NRCAM: variants seen among roughly 807,000 people sequenced by gnomAD.
The protein encoded by NRCAM is NgCAM-related cell adhesion molecule.
NRCAM carries 83 observed loss-of-function variants against 156.5 expected under a neutral mutation model. The observed-to-expected ratio is 0.53, with a 90% CI of 0.44 to 0.64. The LOEUF (loss-of-function observed/expected upper bound fraction) is 0.64, where lower values mean the gene tolerates loss of function less well. Among genes scored for constraint, NRCAM ranks in the 30% least tolerant of loss-of-function variants. NRCAM has a pLI of 0.00. For missense variants in NRCAM, 1,417 were observed against 1,597.3 expected (o/e 0.89, Z 1.92); for synonymous variants, 538 against 563.9 (o/e 0.95, Z 0.65).
chr7:108,223,788 T>C lies in NRCAM; in HGVS notation c.827A>G (p.Asn276Ser), dbSNP rs780317087. The C allele has an allele frequency of 1.9e-6, 3 of 1,612,092 alleles. No individual in the cohort carries two copies. Among genetic ancestry groups the C allele is most frequent in the Non-Finnish European group, 2.5e-6 (3 of 1,178,350 alleles). ...TCTTAATTCCTCTTTGTTACTTGCA[T>C]TGCCTTCTGGAGTTAAAAATGTTGG... is the stretch of plus-strand genomic sequence containing the variant. ...RPPTFLTPEG[N>S]ASNKEELRGN... is the part of the protein sequence containing the mutation. The change falls in exon 11 of 33, where the codon AAT becomes AGT. Residue 276 changes from asparagine to serine, a missense_variant. By Grantham distance (46) the Asn-to-Ser change is conservative. Transcript: ENST00000379028.
chr7:108,441,610 G>A (rs1838614004), intron 1 of NRCAM, among the ~76,000 whole-genome samples: 2 of 152,196 alleles, frequency 1.3e-5, no homozygotes, highest in Admixed American at 6.5e-5. Flanking sequence ...TTACGACTGA[G>A]GGATAAGGGT....
At chr7:108,358,401 T>C (rs961362432) in intron 2 of NRCAM, among the ~76,000 whole-genome samples, 2 of 151,906 alleles carry the variant, frequency 1.3e-5, no homozygotes, top group African/African-American at 2.4e-5. Context: ...CAAGACCTTG[T>C]CTCAAAACAA....
At chr7:108,198,995 C>T (rs2076569433) in intron 13 of NRCAM, among the ~76,000 whole-genome samples, 1 of 152,186 alleles carries the variant, frequency 6.6e-6, no homozygotes, top group Non-Finnish European at 1.5e-5. Context: ...GAACGATACA[C>T]TTTAGGCTTT....
intron 3 of NRCAM, among the ~76,000 whole-genome samples, chr7:108,278,158 A>C (rs1014831774): frequency 3.9e-5 from 6 of 152,096 alleles, no homozygotes; most frequent in African/African-American, 1.2e-4. Flanking sequence ...GTCAGTCCCT[A>C]CTGGGAGGTG....
intron 2 of NRCAM, among the ~76,000 whole-genome samples, chr7:108,370,561 A>G (rs1369435097): frequency 2.0e-5 from 3 of 152,174 alleles, no homozygotes; most frequent in Admixed American, 6.6e-5. Flanking sequence ...CAATCATGCT[A>G]TTTCTGTAAA....
intron 25 of NRCAM, 41 bp from the exon 26 acceptor site, chr7:108,178,153 T>C (rs750797439): frequency 1.9e-6 from 3 of 1,592,968 alleles, no homozygotes; most frequent in Non-Finnish European, 2.6e-6. Flanking sequence ...GATTTCTGAA[T>C]GTTTCAACAT....
chr7:108,420,251 A>G lies in NRCAM; in HGVS notation c.-331-20658T>C, dbSNP rs543666862. Among the ~76,000 whole-genome samples the G allele has an allele frequency of 7.9e-5, 12 of 152,234 alleles. No homozygotes were observed. In the South Asian group the frequency reaches 2.5e-3, roughly 32 times the overall value. On this transcript the variant is annotated intron_variant, in intron 1 of 32. Coordinates refer to ENST00000379028, the MANE Select transcript of NRCAM (RefSeq NM_001037132.4). ...AAATATCTCTTTAGTAGATATTACT[A>G]TAGAGATTCTGCTTTTCAGACACAC... is the stretch of plus-strand genomic sequence containing the variant.
chr7:108,446,780 T>C (rs770619056), intron 1 of NRCAM, among the ~76,000 whole-genome samples: 1 of 151,234 alleles, frequency 6.6e-6, no homozygotes, highest in Non-Finnish European at 1.5e-5. Context: ...CAGGCTGTAG[T>C]GCAAGTGCAT....
At chr7:108,277,726 A>T (rs993153352) in intron 3 of NRCAM, among the ~76,000 whole-genome samples, 1 of 152,034 alleles carries the variant, frequency 6.6e-6, no homozygotes, top group Admixed American at 6.6e-5. Flanking sequence ...AACCTTCTGA[A>T]GCCTACTTCT....
chr7:108,170,518 G>A (rs115696348), intron 28 of NRCAM, among the ~76,000 whole-genome samples: 1,754 of 152,262 alleles, frequency 0.012, 28 homozygotes, highest in African/African-American at 0.039. Flanking sequence ...GAATGCAACC[G>A]TTTGTCTCTC....
intron 2 of NRCAM, among the ~76,000 whole-genome samples, chr7:108,329,172 C>A (rs559864316): frequency 6.6e-6 from 1 of 152,228 alleles, no homozygotes; most frequent in South Asian, 2.1e-4. Context: ...CATGAGTATT[C>A]ACCCATCCAA....
chr7:108,220,335 T>A (rs911984335), intron 11 of NRCAM, among the ~76,000 whole-genome samples: 1 of 152,134 alleles, frequency 6.6e-6, no homozygotes, highest in African/African-American at 2.4e-5. Context: ...TTTACAGAAT[T>A]AGAAAAAAAC....
intron 1 of NRCAM, among the ~76,000 whole-genome samples, chr7:108,419,043 C>G (rs754055039): frequency 1.3e-5 from 2 of 152,176 alleles, no homozygotes; most frequent in African/African-American, 2.4e-5. Flanking sequence ...CACACACACA[C>G]ACAAAAAATC....
intron 3 of NRCAM, among the ~76,000 whole-genome samples, chr7:108,256,936 G>C (rs973006368): frequency 6.6e-6 from 1 of 151,112 alleles, no homozygotes; most frequent in African/African-American, 2.4e-5. Flanking sequence ...TTGAACCCGG[G>C]AGGTGGAGGT....
intron 13 of NRCAM, among the ~76,000 whole-genome samples, chr7:108,199,245 A>T (rs1587874142): frequency 1.1e-5 from 1 of 89,646 alleles, no homozygotes; most frequent in Admixed American, 1.0e-4. Context: ...CTTTTAAAAT[A>T]AAAAAAAATT....
At chr7:108,455,248 G>C (rs1327564172) in intron 1 of NRCAM, among the ~76,000 whole-genome samples, 1 of 152,156 alleles carries the variant, frequency 6.6e-6, no homozygotes, top group Admixed American at 6.5e-5. Flanking sequence ...GAGTAGCTGA[G>C]CTGGCCAACC....
At chr7:108,271,301 G>A (rs2097337507) in intron 3 of NRCAM, among the ~76,000 whole-genome samples, 1 of 151,938 alleles carries the variant, frequency 6.6e-6, no homozygotes, top group Admixed American at 6.5e-5. Flanking sequence ...GCTCTTAAAA[G>A]GAAAAAATAG....
chr7:108,215,846 G>A (rs1473985213), intron 11 of NRCAM, among the ~76,000 whole-genome samples: 1 of 151,754 alleles, frequency 6.6e-6, no homozygotes, highest in African/African-American at 2.4e-5. Context: ...GCACACTGAT[G>A]GGTCTTGATT....
At chr7:108,307,660 TAAAAG>T (rs1279319875) in intron 3 of NRCAM, among the ~76,000 whole-genome samples, 6 of 142,618 alleles carry the variant, frequency 4.2e-5, no homozygotes, top group African/African-American at 1.6e-4. Flanking sequence ...AAAGGCAAAA[TAAAAG>T]AAAACAAAGC....
Sources: gnomAD v4.1 joint callset for allele counts (sites outside exome capture counted in the v4.1 genomes callset) on GRCh38, gnomAD v4.1.1 for gene constraint, MANE v1.5 for transcripts, NCBI Gene and HGNC (gene_info 2026-07-23, HGNC 2026-07-21) for gene names.